Variants in CBX5 observed in about 807,000 individuals in gnomAD.
CBX5 encodes the protein chromobox protein homolog 5.
A neutral mutation model predicts 20.7 loss-of-function variants in CBX5; 7 were observed. The ratio of observed to expected loss-of-function variants is 0.34; its 90% CI spans 0.19 to 0.63. The LOEUF is 0.63. Among genes scored for constraint, CBX5 ranks in the 30% least tolerant of loss-of-function variants. The probability of loss-of-function intolerance (pLI) is 0.75; values close to 1 mark genes in which losing one functional copy is unlikely to be tolerated. For synonymous variants in CBX5, 78 were observed against 77.0 expected (o/e 1.01, Z -0.07); for missense variants, 110 against 224.1 (o/e 0.49, Z 3.25).
intron 4 of CBX5, among the ~76,000 whole-genome samples, chr12:54,245,567 G>A (rs1193980102): frequency 1.3e-5 from 2 of 151,876 alleles, no homozygotes; most frequent in Admixed American, 6.6e-5. Flanking sequence ...CGAGGCAGGC[G>A]GATTACTTGA....
Position 54,246,211 on chromosome 12 carries a change from C to T in CBX5, c.329G>A (p.Ser110Asn), listed in dbSNP as rs771746979. The change falls in exon 4 of 5, where the codon AGC (serine) becomes AAC (asparagine). Residue 110 changes from serine (S) to asparagine (N), a missense_variant. This residue lies in a region of CBX5 where 21 missense variants were observed against 18.6 expected (regional missense o/e 1.13). Transcript: ENST00000209875. ...DIKSKKKREQ[S>N]NDIARGFERG... ...CTCAAAGCCCCGAGCGATATCATTG[C>T]TCTGCTATAAATAGAAGATAAAGAA... The T allele has an allele frequency of 5.0e-5, 80 of 1,609,910 alleles. 1 individual carries two copies. Among genetic ancestry groups the T allele is most frequent in the South Asian group, 3.8e-4 (35 of 90,982 alleles).
At position 54,234,771 on chromosome 12, in the gene CBX5, T is replaced by C. The variant is rs925062672; in HGVS notation, c.*6984A>G. 6 of 152,346 alleles carry C rather than the reference T, an allele frequency of 3.9e-5. No individual in the cohort carries two copies. The South Asian group carries it at 1.2e-3, about 32-fold the overall frequency. 9.4% of individuals were successfully genotyped at this position (152,346 alleles called of 1,614,324 possible). ...GAAACAAATAGCATTGGAGGATCAC[T>C]TTCTTCCCATAAAACAAGACTTTAA... On this transcript the variant is annotated 3_prime_UTR_variant, in exon 5 of 5. Transcript: ENST00000209875.
intron 4 of CBX5, among the ~76,000 whole-genome samples, chr12:54,244,175 T>A (rs1018633607): frequency 2.6e-5 from 4 of 150,956 alleles, no homozygotes; most frequent in Non-Finnish European, 4.4e-5. Context: ...CTATTTTTTT[T>A]TTTTATTTTT....
chr12:54,269,540 C>A (rs918607048), intron 1 of CBX5, among the ~76,000 whole-genome samples: 4 of 151,982 alleles, frequency 2.6e-5, no homozygotes, highest in African/African-American at 9.7e-5. Flanking sequence ...AGGAGCACAC[C>A]ACCATGCCTG....
At chr12:54,267,524 T>A (rs1272735761) in intron 1 of CBX5, among the ~76,000 whole-genome samples, 1 of 152,066 alleles carries the variant, frequency 6.6e-6, no homozygotes, top group Non-Finnish European at 1.5e-5. Flanking sequence ...TCTTTTTTTT[T>A]TTTTTGAGAC....
chr12:54,252,130 T>A lies in CBX5; in HGVS notation c.235A>T (p.Asn79Tyr). 6.2e-7 allele frequency: 1 copy of A among 1,612,466 alleles called. No homozygotes were observed. Among genetic ancestry groups the A allele is most frequent in the African/African-American group, 1.3e-5 (1 of 74,962 alleles). Residue 79 changes from asparagine to tyrosine, a missense_variant, in exon 3 of 5, where the codon AAT becomes TAT. Asn to Tyr is a moderately radical substitution (Grantham distance 143, BLOSUM62 -2). Transcript: ENST00000209875. Reference sequence around the variant, plus strand: ...CTTTCTGACTTCTCCCTGGGTTTATTATTTTCACCCTCCTTCATCTTCTTA... The same window carrying A: ...CTTTCTGACTTCTCCCTGGGTTTATAATTTTCACCCTCCTTCATCTTCTTA... ...KYKKMKEGENNKPREKSESNK... is the reference protein window; with the variant it reads ...KYKKMKEGENYKPREKSESNK...
At chr12:54,244,348 G>A (rs1943711542) in intron 4 of CBX5, among the ~76,000 whole-genome samples, 1 of 151,764 alleles carries the variant, frequency 6.6e-6, no homozygotes, top group Admixed American at 6.6e-5. Context: ...TGTTTCTTTA[G>A]TGGCACTGCA....
At chr12:54,276,692 A>G (rs1306761473) in intron 1 of CBX5, 5 of 152,244 alleles carry the variant, frequency 3.3e-5, no homozygotes, top group Non-Finnish European at 5.9e-5. Context: ...GTCTATAAAC[A>G]GCTGTGAAAT....
chr12:54,253,566 G>T (rs1194511275), intron 2 of CBX5, among the ~76,000 whole-genome samples: 1 of 151,776 alleles, frequency 6.6e-6, no homozygotes, highest in Non-Finnish European at 1.5e-5. Flanking sequence ...TGTCTCCACA[G>T]AAGATTTAAA....
chr12:54,258,244 T>C (rs1269994226), intron 1 of CBX5: 2 of 152,198 alleles, frequency 1.3e-5, no homozygotes, highest in Non-Finnish European at 2.9e-5. Context: ...CTTAAACAAA[T>C]TGAGCTTGTC....
intron 1 of CBX5, chr12:54,273,585 C>T (rs970865625): frequency 6.6e-6 from 1 of 152,104 alleles, no homozygotes; most frequent in Non-Finnish European, 1.5e-5. Flanking sequence ...TTCTTAATTG[C>T]AATCATATGT....
rs1298644353 is a variant in CBX5 at position 54,232,197 on chromosome 12, C to T, written c.*9558G>A. 1 of 152,054 alleles carries T rather than the reference C, an allele frequency of 6.6e-6. No homozygotes were observed. Among genetic ancestry groups the T allele is most frequent in the African/African-American group, 2.4e-5 (1 of 41,388 alleles). 9.4% of individuals were successfully genotyped at this position (152,054 alleles called of 1,614,324 possible). A position where few individuals can be genotyped will look rare whatever the true frequency, so the allele number is the denominator to read the frequency against. On this transcript the variant is annotated 3_prime_UTR_variant, in exon 5 of 5. Transcript: ENST00000209875. ...CCCAAGTGCCTTCCCCAACAACATC[C>T]TAAGTAAGTCTGGACTAGTAAGATT...
intron 1 of CBX5, among the ~76,000 whole-genome samples, chr12:54,275,700 A>AT (rs1453422906): frequency 6.6e-6 from 1 of 152,018 alleles, no homozygotes; most frequent in African/African-American, 2.4e-5. Context: ...AAAGTTCATC[A>AT]TATCTATTAA....
intron 1 of CBX5, among the ~76,000 whole-genome samples, chr12:54,264,778 G>A (rs760611472): frequency 1.3e-5 from 2 of 152,070 alleles, no homozygotes; most frequent in African/African-American, 2.4e-5. Context: ...GGGAGGTAGA[G>A]GTTGCAGTGA....
rs1943600341 is a variant in CBX5 at position 54,234,498 on chromosome 12, A to C, written c.*7257T>G. ...AAAAATAGAGAATGCCAAGATAAAA[A>C]GTTCACTGCATTCAATTTGGCCTAA... On this transcript the variant is annotated 3_prime_UTR_variant, in exon 5 of 5. Transcript: ENST00000209875. 1 of 152,206 alleles carries C rather than the reference A, an allele frequency of 6.6e-6. No individual in the cohort carries two copies. Among genetic ancestry groups the C allele is most frequent in the Non-Finnish European group, 1.5e-5 (1 of 68,034 alleles). 9.4% of individuals were successfully genotyped at this position (152,206 alleles called of 1,614,324 possible).
chr12:54,276,357 C>T (rs1428689643), intron 1 of CBX5, among the ~76,000 whole-genome samples: 2 of 152,148 alleles, frequency 1.3e-5, no homozygotes, highest in Non-Finnish European at 2.9e-5. Context: ...CTTACATTAG[C>T]CTACTGTTGG....
chr12:54,256,921 T>A (rs1028299872), intron 2 of CBX5, among the ~76,000 whole-genome samples: 1 of 152,108 alleles, frequency 6.6e-6, no homozygotes, highest in Non-Finnish European at 1.5e-5. Context: ...TGGAGTGCAG[T>A]GGCGCAATCT....
At chr12:54,262,852 A>C (rs1264251976) in intron 1 of CBX5, 1 of 152,272 alleles carries the variant, frequency 6.6e-6, no homozygotes, top group Non-Finnish European at 1.5e-5. Flanking sequence ...GGAGTGATTA[A>C]GATAGAATCC....
intron 3 of CBX5, among the ~76,000 whole-genome samples, chr12:54,248,180 G>A (rs754901173): frequency 9.9e-5 from 15 of 151,982 alleles, no homozygotes; most frequent in Non-Finnish European, 1.5e-4. Context: ...GTCGAGACAG[G>A]GTTTCACCAT....
Sources: allele counts gnomAD v4.1 joint callset (sites outside exome capture counted in the v4.1 genomes callset), GRCh38; gene constraint gnomAD v4.1.1; regional missense constraint gnomAD v4.1.1; transcripts MANE v1.5; gene names NCBI Gene and HGNC (gene_info 2026-07-23, HGNC 2026-07-21).